TRIM36: variants seen among roughly 807,000 people sequenced by gnomAD.
The protein encoded by TRIM36 is E3 ubiquitin-protein ligase TRIM36.
TRIM36 carries 42 observed loss-of-function variants against 72.4 expected under a neutral mutation model. The observed-to-expected ratio is 0.58, with a 90% CI of 0.45 to 0.75. The LOEUF (loss-of-function observed/expected upper bound fraction) is 0.75, where lower values mean the gene tolerates loss of function less well. Among genes scored for constraint, TRIM36 ranks in the 30% least tolerant of loss-of-function variants. The pLI is 0.00. For synonymous variants in TRIM36, 315 were observed against 282.8 expected (o/e 1.11, Z -1.14); for missense variants, 913 against 857.1 (o/e 1.07, Z -0.81).
intron 2 of TRIM36, chr5:115,159,770 T>C (rs765044513): frequency 2.9e-5 from 12 of 412,852 alleles, no homozygotes; most frequent in Non-Finnish European, 5.2e-5. Context: ...GTCCTGAAAA[T>C]AATACAATTA....
chr5:115,127,484 C>T (rs1175492698), intron 9 of TRIM36, among the ~76,000 whole-genome samples: 1 of 152,166 alleles, frequency 6.6e-6, no homozygotes, highest in African/African-American at 2.4e-5. Flanking sequence ...TCACTTGAAC[C>T]CAGGAAGCAG....
chr5:115,156,967 A>G (rs111863370), intron 2 of TRIM36, among the ~76,000 whole-genome samples: 23 of 152,216 alleles, frequency 1.5e-4, no homozygotes, highest in Non-Finnish European at 2.4e-4. Context: ...AAATAAATCA[A>G]TAAGAAAAAA....
At chr5:115,176,033 G>A (rs1755322924) in intron 1 of TRIM36, among the ~76,000 whole-genome samples, 1 of 152,150 alleles carries the variant, frequency 6.6e-6, no homozygotes, top group Non-Finnish European at 1.5e-5. Context: ...GGCTGAGGTA[G>A]GAGAATCGCT....
intron 8 of TRIM36, among the ~76,000 whole-genome samples, chr5:115,133,543 T>C (rs1398062233): frequency 2.0e-5 from 3 of 152,204 alleles, no homozygotes; most frequent in Non-Finnish European, 4.4e-5. Flanking sequence ...CAGAATTATA[T>C]ATTTAAAACT....
At chr5:115,166,826 T>C (rs2126939732) in intron 1 of TRIM36, among the ~76,000 whole-genome samples, 1 of 152,236 alleles carries the variant, frequency 6.6e-6, no homozygotes, top group African/African-American at 2.4e-5. Context: ...TGCCACCATG[T>C]TCCACAGTGC....
At chr5:115,127,868 G>A (rs1302243589) in intron 9 of TRIM36, among the ~76,000 whole-genome samples, 1 of 152,052 alleles carries the variant, frequency 6.6e-6, no homozygotes, top group African/African-American at 2.4e-5. Context: ...TTTTCCAGAA[G>A]GCAGCACTGT....
At chr5:115,131,957 A>G (rs895347375) in intron 8 of TRIM36, among the ~76,000 whole-genome samples, 1 of 152,166 alleles carries the variant, frequency 6.6e-6, no homozygotes, top group Admixed American at 6.5e-5. Flanking sequence ...AAGTGGTGAT[A>G]TTTAAACAAT....
Position 115,147,303 on chromosome 5 carries a change from A to T in TRIM36, c.354T>A (p.Asn118Lys), listed in dbSNP as rs1190907250. Reference sequence around the variant, plus strand: ...CCAAAGTGAAGTTTCGAAACAGACCATTGATTCCTCGTTCTCCAAGATCCA... The same window carrying T: ...CCAAAGTGAAGTTTCGAAACAGACCTTTGATTCCTCGTTCTCCAAGATCCA... ...HDVDLGERGI[N>K]GLFRNFTLET... Residue 118 changes from asparagine to lysine, a missense_variant, in exon 3 of 10, where the codon AAT (asparagine) becomes AAA (lysine). Coordinates refer to ENST00000513154, the MANE Select transcript of TRIM36 (RefSeq NM_001300759.2). 3 of 1,614,218 alleles carry T rather than the reference A, an allele frequency of 1.9e-6. No homozygotes were observed. The highest frequency in any genetic ancestry group is 1.7e-5 in the Admixed American group (1 of 60,022).
upstream of TRIM36, among the ~76,000 whole-genome samples, chr5:115,173,055 A>T (rs1755185959): frequency 1.3e-5 from 2 of 152,210 alleles, no homozygotes; most frequent in African/African-American, 4.8e-5. Context: ...ATTTTAAACC[A>T]CTGCTTTCCC....
At chr5:115,134,273 T>C (rs1299815255) in intron 7 of TRIM36, 126 bp from the exon 8 acceptor site, 2 of 703,306 alleles carry the variant, frequency 2.8e-6, no homozygotes, top group East Asian at 3.7e-5. Flanking sequence ...TCTAAATTTA[T>C]AATACTATAT....
At chr5:115,153,374 C>T (rs934915813) in intron 2 of TRIM36, among the ~76,000 whole-genome samples, 1 of 152,018 alleles carries the variant, frequency 6.6e-6, no homozygotes, top group African/African-American at 2.4e-5. Context: ...CACAGGGGCT[C>T]CCAAATTTAT....
chr5:115,151,798 G>A (rs768728391), intron 2 of TRIM36, among the ~76,000 whole-genome samples: 4 of 152,084 alleles, frequency 2.6e-5, no homozygotes, highest in South Asian at 2.1e-4. Context: ...ACTACAACTC[G>A]ACTCCCAGGA....
intron 8 of TRIM36, 109 bp downstream of exon 8, chr5:115,133,751 A>AG: frequency 8.8e-7 from 1 of 1,132,000 alleles, no homozygotes; most frequent in South Asian, 2.3e-5. Flanking sequence ...TCTTTTAAAA[A>AG]CAAGAGCTGG....
At chr5:115,129,447 A>G (rs1338559945) in intron 9 of TRIM36, among the ~76,000 whole-genome samples, 1 of 152,062 alleles carries the variant, frequency 6.6e-6, no homozygotes, top group Non-Finnish European at 1.5e-5. Context: ...AATCCCAGCT[A>G]TTTGGGAGGC....
rs953361230 is a variant in TRIM36 at position 115,169,829 on chromosome 5, G to C, written c.-195C>G. 3.8e-6 allele frequency: 5 copies of C among 1,324,400 alleles called. No homozygotes were observed. Among genetic ancestry groups the C allele is most frequent in the Non-Finnish European group, 2.9e-6 (3 of 1,034,040 alleles). The allele number at this position is 1,324,400 out of a possible 1,614,324, so 82.0% of individuals were successfully genotyped here. On this transcript the variant is annotated 5_prime_UTR_variant, in exon 1 of 10. Coordinates refer to ENST00000513154, the MANE Select transcript of TRIM36 (RefSeq NM_001300759.2). ...GGGGCAGGCAAAAGCACAGGCGCGGGAGAAGCGAGCTTTGCTCCCAGCGAC... is the reference window on the plus strand; with the variant it reads ...GGGGCAGGCAAAAGCACAGGCGCGGCAGAAGCGAGCTTTGCTCCCAGCGAC...
rs934682755 is a variant in TRIM36, at chr5:115,134,095, G to T, written c.1263C>A (p.Ala421=). Reference sequence around the variant, plus strand: ...TTTCTGGATGGTGCCAATTTATCAAGGCATTGTTATAAACTTTGCTCTGTT... The same window carrying T: ...TTTCTGGATGGTGCCAATTTATCAATGCATTGTTATAAACTTTGCTCTGTT... ...NEEQSKVYNN[A]LINWHHPEKD... is the part of the protein sequence containing the mutation. The change falls in exon 8 of 10, where the codon GCC becomes GCA. Residue 421 remains alanine, a synonymous_variant. Coordinates refer to ENST00000513154, the MANE Select transcript of TRIM36 (RefSeq NM_001300759.2). 6.2e-7 allele frequency: 1 copy of T among 1,612,742 alleles called. No individual in the cohort carries two copies. The highest frequency in any genetic ancestry group is 1.3e-5 in the African/African-American group (1 of 74,942).
At chr5:115,139,882 C>G (rs993178328) in intron 5 of TRIM36, among the ~76,000 whole-genome samples, 3 of 152,146 alleles carry the variant, frequency 2.0e-5, no homozygotes, top group Admixed American at 1.3e-4. Context: ...CTATTGATGA[C>G]AAACCCCAAA....
chr5:115,175,153 T>A (rs1482367548), intron 1 of TRIM36, among the ~76,000 whole-genome samples: 1 of 146,528 alleles, frequency 6.8e-6, no homozygotes, highest in Non-Finnish European at 1.5e-5. Context: ...GCACATATTC[T>A]AAAAAAAAAA....
intron 2 of TRIM36, among the ~76,000 whole-genome samples, chr5:115,157,994 G>T (rs1214455115): frequency 6.6e-6 from 1 of 152,114 alleles, no homozygotes; most frequent in Admixed American, 6.5e-5. Context: ...AGGGACAAAA[G>T]ACTACAAATA....
Sources: allele counts gnomAD v4.1 joint callset (sites outside exome capture counted in the v4.1 genomes callset), GRCh38; gene constraint gnomAD v4.1.1; transcripts MANE v1.5; gene names NCBI Gene and HGNC (gene_info 2026-07-23, HGNC 2026-07-21).